GLIS3: variants seen among roughly 807,000 people sequenced by gnomAD.
The protein encoded by GLIS3 is GLIS family zinc finger 3, also known as zinc finger protein GLIS3.
Under a neutral mutation model 78.6 loss-of-function variants are expected in GLIS3, and 53 were observed. That is an observed-to-expected ratio of 0.67 (90% CI 0.54 to 0.85). The LOEUF (loss-of-function observed/expected upper bound fraction) is 0.85. GLIS3 is among the 40% of genes least tolerant of loss of function. The pLI is 0.00. For missense variants in GLIS3, 1,703 were observed against 1,231.1 expected, an observed-to-expected ratio of 1.38 and a Z score of -5.74; for synonymous variants, 684 against 509.9, an observed-to-expected ratio of 1.34 and a Z score of -4.60.
At chr9:4,142,717 A>C (rs1833902642) in intron 2 of GLIS3, among the ~76,000 whole-genome samples, 1 of 152,216 alleles carries the variant, frequency 6.6e-6, no homozygotes, top group African/African-American at 2.4e-5. Flanking sequence ...AAAAATTATG[A>C]AGAGATCTCC....
chr9:4,400,197 G>A, the GLIS3 span, among the ~76,000 whole-genome samples: 1 of 152,170 alleles, frequency 6.6e-6, no homozygotes, highest in Non-Finnish European at 1.5e-5. Flanking sequence ...CTAAAATCAA[G>A]TGGAGAAAGA....
chr9:3,891,772 T>A (rs1822469955), intron 7 of GLIS3, among the ~76,000 whole-genome samples: 1 of 152,152 alleles, frequency 6.6e-6, no homozygotes, highest in Non-Finnish European at 1.5e-5. Context: ...GCCTTAGTCC[T>A]CCAGAACTAT....
intron 9 of GLIS3, among the ~76,000 whole-genome samples, chr9:3,845,483 G>A (rs891314468): frequency 2.0e-5 from 3 of 152,088 alleles, no homozygotes; most frequent in African/African-American, 7.2e-5. Flanking sequence ...ACATAAGGCT[G>A]GGAGGGGACT....
the GLIS3 span, among the ~76,000 whole-genome samples, chr9:4,393,238 C>G: frequency 3.3e-5 from 5 of 152,138 alleles, no homozygotes; most frequent in African/African-American, 1.2e-4. Flanking sequence ...ATACACATTT[C>G]TATTTCTGTT....
At chr9:4,071,770 C>A (rs1827632923) in intron 4 of GLIS3, 1 of 152,134 alleles carries the variant, frequency 6.6e-6, no homozygotes, top group Non-Finnish European at 1.5e-5. Flanking sequence ...TTCTAATTTG[C>A]CATTTTCATT....
chr9:4,393,838 C>G, the GLIS3 span, among the ~76,000 whole-genome samples: 1 of 152,060 alleles, frequency 6.6e-6, no homozygotes, highest in African/African-American at 2.4e-5. Context: ...TTTTCTTTTA[C>G]GTTGTTAAAC....
rs78446015 is a variant in GLIS3 at position 4,272,900 on chromosome 9, C to G, written c.388+13138G>C. Among the ~76,000 whole-genome samples, 974 of 152,302 alleles carry G rather than the reference C, an allele frequency of 6.4e-3. 16 individuals are homozygous for G. Among genetic ancestry groups the G allele is most frequent in the East Asian group, 0.056 (291 of 5,182 alleles). On this transcript the variant is annotated intron_variant, in intron 2 of 10. Transcript: ENST00000381971. ...TAATAGGGCCTCATTTAAGTCTTGA[C>G]AGTGTCCTAGTTTGTACAACAAATT...
intron 2 of GLIS3, among the ~76,000 whole-genome samples, chr9:4,275,949 G>A (rs549461535): frequency 1.3e-5 from 2 of 152,156 alleles, no homozygotes; most frequent in Admixed American, 6.5e-5. Context: ...ACAAAGTACT[G>A]TACAAGTCCA....
At chr9:3,912,561 G>A in intron 6 of GLIS3, among the ~76,000 whole-genome samples, 1 of 152,168 alleles carries the variant, frequency 6.6e-6, no homozygotes, top group East Asian at 1.9e-4. Context: ...GTTGAAATCA[G>A]AAAGGCATGC....
intron 2 of GLIS3, among the ~76,000 whole-genome samples, chr9:4,342,722 T>G (rs1817852515): frequency 6.6e-6 from 1 of 152,248 alleles, no homozygotes. Context: ...ATTCTTCCAA[T>G]CCATGAGCAT....
Position 3,828,050 on chromosome 9 carries a change from G to A in GLIS3, c.*222C>T, listed in dbSNP as rs1475382720. ...TCCCTTTGAAAAGACAGTCCTCCTG[G>A]TCACATAGTCCAGGAAAACCAGAGA... On this transcript the variant is annotated 3_prime_UTR_variant, in exon 11 of 11. Coordinates refer to ENST00000381971, the MANE Select transcript of GLIS3 (RefSeq NM_001042413.2). 1 of 585,536 alleles carries A rather than the reference G, an allele frequency of 1.7e-6. No individual in the cohort carries two copies. Among genetic ancestry groups the A allele is most frequent in the East Asian group, 3.0e-5 (1 of 33,820 alleles). The allele number at this position is 585,536 out of a possible 1,614,324, so 36.3% of individuals were successfully genotyped here.
chr9:3,846,840 A>G (rs1819079261), intron 9 of GLIS3, among the ~76,000 whole-genome samples: 1 of 152,130 alleles, frequency 6.6e-6, no homozygotes, highest in South Asian at 2.1e-4. Flanking sequence ...AGTTCATCCT[A>G]TTTCCTCTGG....
chr9:4,449,159 G>A, the GLIS3 span, among the ~76,000 whole-genome samples: 2 of 152,196 alleles, frequency 1.3e-5, no homozygotes, highest in African/African-American at 4.8e-5. Flanking sequence ...GGCACACCAG[G>A]AGATTATATA....
chr9:4,014,338 G>C (rs1822270760), intron 4 of GLIS3, among the ~76,000 whole-genome samples: 1 of 152,186 alleles, frequency 6.6e-6, no homozygotes, highest in African/African-American at 2.4e-5. Flanking sequence ...CACTGCCAAA[G>C]TTCATGTCTA....
chr9:4,283,127 G>A (rs1347653120), intron 2 of GLIS3, among the ~76,000 whole-genome samples: 4 of 151,156 alleles, frequency 2.6e-5, no homozygotes, highest in African/African-American at 9.7e-5. Flanking sequence ...ACACAGGAAT[G>A]CACTTTGCAG....
intron 8 of GLIS3, among the ~76,000 whole-genome samples, chr9:3,866,332 G>A (rs1453487958): frequency 6.6e-6 from 1 of 152,102 alleles, no homozygotes; most frequent in Non-Finnish European, 1.5e-5. Flanking sequence ...CAGAGTTAAA[G>A]AGTAAAGGGA....
At chr9:4,054,027 T>G (rs910935008) in intron 4 of GLIS3, among the ~76,000 whole-genome samples, 3 of 152,228 alleles carry the variant, frequency 2.0e-5, no homozygotes, top group African/African-American at 7.2e-5. Context: ...AATAGCTTCT[T>G]GCTATTTGAA....
At chr9:4,073,229 T>A (rs1166731314) in intron 4 of GLIS3, among the ~76,000 whole-genome samples, 1 of 152,162 alleles carries the variant, frequency 6.6e-6, no homozygotes, top group East Asian at 1.9e-4. Flanking sequence ...TCGCTACAGC[T>A]GGGCTAGCAT....
At chr9:4,021,432 T>C (rs1405290173) in intron 4 of GLIS3, among the ~76,000 whole-genome samples, 1 of 152,184 alleles carries the variant, frequency 6.6e-6, no homozygotes, top group Non-Finnish European at 1.5e-5. Context: ...AATGCCACCA[T>C]CAGGTAGAGA....
Sources: allele counts gnomAD v4.1 joint callset (sites outside exome capture counted in the v4.1 genomes callset), GRCh38; gene constraint gnomAD v4.1.1; transcripts MANE v1.5; gene names NCBI Gene and HGNC (gene_info 2026-07-23, HGNC 2026-07-21).